Variants in PDE4B observed in about 807,000 individuals in gnomAD.
PDE4B encodes the protein phosphodiesterase 4B.
In PDE4B, 20 loss-of-function variants were observed where a neutral mutation model predicts 82.2. That is an observed-to-expected ratio of 0.24 (90% CI 0.17 to 0.35). The LOEUF (loss-of-function observed/expected upper bound fraction) is 0.35, where lower values mean the gene tolerates loss of function less well. PDE4B is among the 10% of genes least tolerant of loss of function. The pLI, the probability that PDE4B is intolerant of heterozygous loss-of-function variation, is 1.00. For synonymous variants in PDE4B, 320 were observed against 318.9 expected (o/e 1.00, Z -0.04); for missense variants, 655 against 907.2 (o/e 0.72, Z 3.57).
intron 3 of PDE4B, among the ~76,000 whole-genome samples, chr1:66,081,933 A>G (rs1294044198): frequency 1.3e-5 from 2 of 151,878 alleles, no homozygotes; most frequent in Non-Finnish European, 2.9e-5. Context: ...TACTCATTTC[A>G]CAAGTCATCT....
chr1:66,083,055 G>T (rs964105393), intron 3 of PDE4B, among the ~76,000 whole-genome samples: 2 of 152,048 alleles, frequency 1.3e-5, no homozygotes, highest in African/African-American at 4.8e-5. Flanking sequence ...GCAGTCTTCT[G>T]CCGCCTCCCT....
intron 3 of PDE4B, among the ~76,000 whole-genome samples, chr1:65,935,352 T>A (rs1196800295): frequency 2.0e-5 from 3 of 150,552 alleles, no homozygotes; most frequent in Admixed American, 2.0e-4. Flanking sequence ...TACCAAAACT[T>A]ATGGGATGCA....
intron 1 of PDE4B, among the ~76,000 whole-genome samples, chr1:65,910,324 C>T (rs115117884): frequency 0.023 from 3,461 of 152,214 alleles, 57 homozygotes; most frequent in African/African-American, 0.026. Context: ...TAATGCTTGC[C>T]GACCTTTTCT....
Position 66,098,715 on chromosome 1 carries a change from A to C in PDE4B, c.282-148745A>C, listed in dbSNP as rs900878170. On this transcript the variant is annotated intron_variant, in intron 3 of 16. Transcript: ENST00000341517. ...AAAGTCTAAAGACTATAATGGGCGT[A>C]CCTGTTGCTAAATTTGTAAGGTTTC... 5.3e-5 allele frequency among the ~76,000 whole-genome samples: 8 copies of C among 152,278 alleles called. No individual in the cohort carries two copies. In the South Asian group the frequency reaches 1.7e-3, roughly 32 times the overall value.
At chr1:66,322,020 A>G (rs1174946619) in intron 7 of PDE4B, among the ~76,000 whole-genome samples, 3 of 152,308 alleles carry the variant, frequency 2.0e-5, no homozygotes, top group South Asian at 2.1e-4. Context: ...ATAACACCAC[A>G]TATCTACAAC....
intron 3 of PDE4B, among the ~76,000 whole-genome samples, chr1:66,023,222 T>C (rs916571485): frequency 1.3e-5 from 2 of 152,164 alleles, no homozygotes; most frequent in African/African-American, 4.8e-5. Context: ...GCAGCTGTAC[T>C]TCAATTTGCT....
chr1:66,025,991 A>G (rs1158315755), intron 3 of PDE4B, among the ~76,000 whole-genome samples: 1 of 152,192 alleles, frequency 6.6e-6, no homozygotes, highest in Non-Finnish European at 1.5e-5. Context: ...CAAACCTTTA[A>G]TAATATAATT....
intron 1 of PDE4B, among the ~76,000 whole-genome samples, chr1:65,845,992 C>G: frequency 6.6e-6 from 1 of 152,188 alleles, no homozygotes; most frequent in East Asian, 1.9e-4. Flanking sequence ...TGGCCGCCTC[C>G]TCCGTGGGCT....
At chr1:65,818,285 T>C (rs1645908775) in intron 1 of PDE4B, among the ~76,000 whole-genome samples, 1 of 152,210 alleles carries the variant, frequency 6.6e-6, no homozygotes, top group African/African-American at 2.4e-5. Flanking sequence ...TTCTTGTGTA[T>C]TGTTCTTTTC....
chr1:66,090,621 A>ATATATATATATATATATATATGTGTG, intron 3 of PDE4B, among the ~76,000 whole-genome samples: 7 of 122,722 alleles, frequency 5.7e-5, no homozygotes, highest in African/African-American at 2.5e-4. Context: ...TATATAATAT[A>ATATATATATATATATATATATGTGTG]TGTGTGTGTG....
chr1:65,808,603 G>A (rs990423719), intron 1 of PDE4B, among the ~76,000 whole-genome samples: 2 of 152,218 alleles, frequency 1.3e-5, no homozygotes, highest in African/African-American at 4.8e-5. Flanking sequence ...TGTGAACTTT[G>A]AGCATATGAA....
chr1:66,153,489 T>C (rs969117032), intron 3 of PDE4B, among the ~76,000 whole-genome samples: 3 of 152,142 alleles, frequency 2.0e-5, no homozygotes, highest in Non-Finnish European at 4.4e-5. Context: ...ATGGGTTTTT[T>C]TGTTTTGTTT....
chr1:66,337,182 TAC>T (rs1660589140), intron 8 of PDE4B, among the ~76,000 whole-genome samples: 1 of 152,230 alleles, frequency 6.6e-6, no homozygotes, highest in African/African-American at 2.4e-5. Context: ...ATGATATGAT[TAC>T]AGCAGTGCCG....
At chr1:66,177,496 C>T (rs1276628662) in intron 3 of PDE4B, among the ~76,000 whole-genome samples, 1 of 152,200 alleles carries the variant, frequency 6.6e-6, no homozygotes, top group Admixed American at 6.5e-5. Flanking sequence ...AAGCGTTGGT[C>T]TTTGACCCTC....
At chr1:66,031,220 T>C (rs1653757397) in intron 3 of PDE4B, among the ~76,000 whole-genome samples, 2 of 152,176 alleles carry the variant, frequency 1.3e-5, no homozygotes, top group Admixed American at 6.5e-5. Context: ...CTAAAATAAT[T>C]GATTAGAGAA....
chr1:65,979,405 G>A (rs1343279501), intron 3 of PDE4B, among the ~76,000 whole-genome samples: 4 of 152,144 alleles, frequency 2.6e-5, no homozygotes, highest in Admixed American at 2.6e-4. Flanking sequence ...TACTCCATTG[G>A]GAAGGTCACA....
chr1:66,248,744 G>A (rs1228774997), intron 4 of PDE4B, among the ~76,000 whole-genome samples: 1 of 152,222 alleles, frequency 6.6e-6, no homozygotes, highest in Non-Finnish European at 1.5e-5. Flanking sequence ...AAATGTGCAT[G>A]CTGTCAGGGA....
chr1:66,031,828 T>C (rs1653795538), intron 3 of PDE4B, among the ~76,000 whole-genome samples: 1 of 152,236 alleles, frequency 6.6e-6, no homozygotes, highest in Non-Finnish European at 1.5e-5. Context: ...AATTATGATC[T>C]GGACTCAAAC....
chr1:66,344,145 A>G (rs985247718), intron 8 of PDE4B, among the ~76,000 whole-genome samples: 2 of 152,142 alleles, frequency 1.3e-5, no homozygotes, highest in East Asian at 1.9e-4. Context: ...GCTCCATTCT[A>G]TAAGTGAGTC....
Sources: gnomAD v4.1 joint callset for allele counts (sites outside exome capture counted in the v4.1 genomes callset) on GRCh38, gnomAD v4.1.1 for gene constraint, MANE v1.5 for transcripts, NCBI Gene and HGNC (gene_info 2026-07-23, HGNC 2026-07-21) for gene names.